Variants in SMAD6 observed in about 807,000 individuals in gnomAD.
SMAD6 encodes MAD homolog 6.
SMAD6 carries 103 observed loss-of-function variants against 39.4 expected under a neutral mutation model. That is an observed-to-expected ratio of 2.62 (90% confidence interval 2.23 to 3.08). The LOEUF (loss-of-function observed/expected upper bound fraction) is 3.08. SMAD6 is among the 30% of genes most tolerant of loss of function. The pLI, the probability that SMAD6 is intolerant of heterozygous loss-of-function variation, is 0.00. For missense variants in SMAD6, 1,104 were observed against 742.9 expected (o/e 1.49, Z -5.65); for synonymous variants, 445 against 353.3 (o/e 1.26, Z -2.91).
chr15:66,705,210 G>GTT (rs1893084878), intron 1 of SMAD6: 1 of 152,258 alleles, frequency 6.6e-6, no homozygotes, highest in South Asian at 2.1e-4. Flanking sequence ...CTGTGTGGAA[G>GTT]GGGAAAGTGG....
rs544603706 is a variant in SMAD6 at position 66,774,818 on chromosome 15, G to A, written c.953-6179G>A. On this transcript the variant is annotated intron_variant, in intron 3 of 3. Transcript: ENST00000288840. ...CCCAGCTGTCTCCCTCTCCCCAGGG[G>A]TAACCACTATTCTGATTTATTTTAT... Among the ~76,000 whole-genome samples, 36 of 148,598 alleles carry A rather than the reference G, an allele frequency of 2.4e-4. No individual in the cohort carries two copies. The South Asian group carries it at 6.5e-3, about 27-fold the overall frequency.
intron 3 of SMAD6, among the ~76,000 whole-genome samples, chr15:66,725,720 G>A (rs1484262202): frequency 6.6e-6 from 1 of 152,204 alleles, no homozygotes; most frequent in Non-Finnish European, 1.5e-5. Context: ...CAGCAGCCAT[G>A]GGAGACAGCT....
At chr15:66,741,433 T>C (rs972390798) in intron 3 of SMAD6, among the ~76,000 whole-genome samples, 3 of 152,256 alleles carry the variant, frequency 2.0e-5, no homozygotes, top group Non-Finnish European at 4.4e-5. Context: ...ATTAGGCTCC[T>C]ACAGGAACTT....
chr15:66,754,460 C>T (rs1894062791), intron 3 of SMAD6, among the ~76,000 whole-genome samples: 1 of 152,220 alleles, frequency 6.6e-6, no homozygotes, highest in Non-Finnish European at 1.5e-5. Context: ...GAATTACAGC[C>T]AGTGGTACCG....
intron 3 of SMAD6, among the ~76,000 whole-genome samples, chr15:66,737,496 G>A (rs1338109035): frequency 6.6e-6 from 1 of 152,136 alleles, no homozygotes; most frequent in Non-Finnish European, 1.5e-5. Flanking sequence ...GCCTGGCATG[G>A]TGTAGGCACT....
chr15:66,710,609 G>A (rs1218292248), intron 1 of SMAD6, among the ~76,000 whole-genome samples: 2 of 149,982 alleles, frequency 1.3e-5, no homozygotes, highest in Non-Finnish European at 2.9e-5. Flanking sequence ...ACCACTGAGA[G>A]TTTGTTTTAG....
At chr15:66,709,118 C>G (rs1432473522) in intron 1 of SMAD6, among the ~76,000 whole-genome samples, 1 of 152,214 alleles carries the variant, frequency 6.6e-6, no homozygotes, top group Admixed American at 6.5e-5. Flanking sequence ...CTTTGACACT[C>G]TAAATCCTTG....
At chr15:66,712,734 C>T (rs1054396288) in intron 2 of SMAD6, among the ~76,000 whole-genome samples, 6 of 148,274 alleles carry the variant, frequency 4.0e-5, no homozygotes, top group Non-Finnish European at 7.4e-5. Context: ...TGGTTGGGAA[C>T]GATGGCTCAT....
rs1163561544 is a variant in SMAD6, at chr15:66,724,358, G to A, written c.952+7860G>A. Among the ~76,000 whole-genome samples, 3 of 152,156 alleles carry A rather than the reference G, an allele frequency of 2.0e-5. No individual in the cohort carries two copies. The East Asian group carries it at 5.8e-4, about 29-fold the overall frequency. On this transcript the variant is annotated intron_variant, in intron 3 of 3. Coordinates refer to ENST00000288840, the MANE Select transcript of SMAD6 (RefSeq NM_005585.5). The stretch of plus-strand genomic sequence containing the variant: ...CCTGGGGTAAAGAGATCCAGAGAGA[G>A]CCCTTAAAGACAGAAAGATCATCAC...
intron 3 of SMAD6, among the ~76,000 whole-genome samples, chr15:66,756,596 C>T (rs1466322194): frequency 2.0e-5 from 3 of 152,218 alleles, no homozygotes; most frequent in Non-Finnish European, 1.5e-5. Flanking sequence ...TGTTTTCCAT[C>T]GTTCTGTCTG....
chr15:66,741,222 T>C (rs1344618465), intron 3 of SMAD6: 4 of 152,258 alleles, frequency 2.6e-5, no homozygotes, highest in African/African-American at 9.6e-5. Context: ...AGCAGCTCTC[T>C]GTTCAGGGCA....
intron 3 of SMAD6, among the ~76,000 whole-genome samples, chr15:66,751,736 C>CT (rs1894009900): frequency 6.6e-6 from 1 of 152,258 alleles, no homozygotes; most frequent in African/African-American, 2.4e-5. Flanking sequence ...GCTTGGATGT[C>CT]TGAGTTGTCC....
rs76243970 is a variant in SMAD6 at position 66,780,704 on chromosome 15, T to C, written c.953-293T>C. Among the ~76,000 whole-genome samples the C allele has an allele frequency of 7.9e-3, 1,209 of 152,326 alleles. 92 individuals carry two copies. In the East Asian group the frequency reaches 0.17, roughly 21 times the overall value. On this transcript the variant is annotated intron_variant, in intron 3 of 3. Coordinates refer to ENST00000288840, the MANE Select transcript of SMAD6 (RefSeq NM_005585.5). The stretch of plus-strand genomic sequence containing the variant: ...TGAAGAGGCAGGGGCAGGGTGTGCA[T>C]GGTTCATGTCTGCGTCCGCAGCATC...
At chr15:66,710,865 C>A (rs1160603875) in intron 1 of SMAD6, among the ~76,000 whole-genome samples, 2 of 152,180 alleles carry the variant, frequency 1.3e-5, no homozygotes, top group African/African-American at 4.8e-5. Context: ...CACCCCTGTC[C>A]TTTACAAAAG....
intron 3 of SMAD6, among the ~76,000 whole-genome samples, chr15:66,748,619 G>A (rs879398347): frequency 3.3e-5 from 5 of 152,112 alleles, no homozygotes; most frequent in African/African-American, 4.8e-5. Context: ...TCTTTAAAAC[G>A]TTAGCGTTTG....
chr15:66,704,384 G>A (rs1595757909), intron 1 of SMAD6: 1 of 273,632 alleles, frequency 3.7e-6, no homozygotes, highest in Non-Finnish European at 6.8e-6. Flanking sequence ...GGGGAGGGCA[G>A]GCCAAGGAGA....
chr15:66,716,627 G>C (rs2140605026), intron 3 of SMAD6, 129 bp downstream of exon 3: 1 of 747,736 alleles, frequency 1.3e-6, no homozygotes, highest in Admixed American at 2.1e-5. Context: ...CCAATCCTTG[G>C]ATGGGAAGGT....
At chr15:66,759,326 GA>G (rs1280472296) in intron 3 of SMAD6, among the ~76,000 whole-genome samples, 1 of 132,436 alleles carries the variant, frequency 7.6e-6, no homozygotes, top group African/African-American at 2.7e-5. Context: ...AGACCTACTG[GA>G]CAGAGAGGAA....
chr15:66,715,825 T>C (rs1354991004), intron 2 of SMAD6, among the ~76,000 whole-genome samples: 3 of 149,614 alleles, frequency 2.0e-5, no homozygotes, highest in Non-Finnish European at 3.0e-5. Flanking sequence ...AAGTTGCTCT[T>C]GTGAGCAGGT....
Sources: allele counts gnomAD v4.1 joint callset (sites outside exome capture counted in the v4.1 genomes callset), GRCh38; gene constraint gnomAD v4.1.1; transcripts MANE v1.5; gene names NCBI Gene and HGNC (gene_info 2026-07-23, HGNC 2026-07-21).